CCDC141: variants seen among roughly 807,000 people sequenced by gnomAD.
CCDC141 encodes the protein coiled-coil domain-containing protein 141.
A neutral mutation model predicts 181.0 loss-of-function variants in CCDC141; 168 were observed. That is an observed-to-expected ratio of 0.93 (90% CI 0.82 to 1.05). The LOEUF (loss-of-function observed/expected upper bound fraction) is 1.05, where lower values mean the gene tolerates loss of function less well. CCDC141 is among the 50% of genes least tolerant of loss of function. The pLI is 0.00. For missense variants in CCDC141, 1,902 were observed against 1,788.5 expected (o/e 1.06, Z -1.14); for synonymous variants, 666 against 642.3 (o/e 1.04, Z -0.56).
chr2:178,999,577 A>G (rs1028808614), intron 2 of CCDC141, among the ~76,000 whole-genome samples: 1 of 152,152 alleles, frequency 6.6e-6, no homozygotes, highest in African/African-American at 2.4e-5. Flanking sequence ...ATAAAAAATA[A>G]AATTCCAAGC....
intron 4 of CCDC141, among the ~76,000 whole-genome samples, chr2:178,969,556 C>A: frequency 6.6e-6 from 1 of 151,872 alleles, no homozygotes; most frequent in African/African-American, 2.4e-5. Flanking sequence ...CAGAAAAGGC[C>A]TTCAACAAAA....
At chr2:178,961,572 G>T in intron 4 of CCDC141, 89 bp from the exon 5 acceptor site, 1 of 1,045,680 alleles carries the variant, frequency 9.6e-7, no homozygotes, top group Non-Finnish European at 1.3e-6. Context: ...TAAAATATAT[G>T]TAATTTTTAT....
At chr2:178,989,684 C>A (rs114507033) in intron 2 of CCDC141, among the ~76,000 whole-genome samples, 1 of 149,818 alleles carries the variant, frequency 6.7e-6, no homozygotes, top group African/African-American at 2.4e-5. Flanking sequence ...AAATGGGCAA[C>A]GGACTTGAAA....
intron 6 of CCDC141, among the ~76,000 whole-genome samples, chr2:178,919,154 G>A (rs1041610290): frequency 5.3e-5 from 8 of 152,230 alleles, no homozygotes; most frequent in South Asian, 4.1e-4. Context: ...CAACTCTACC[G>A]TGCTGGCACC....
At chr2:178,876,817 A>G (rs1364898581) in intron 12 of CCDC141, 3 of 152,222 alleles carry the variant, frequency 2.0e-5, no homozygotes, top group Non-Finnish European at 4.4e-5. Flanking sequence ...GAAGACTAAC[A>G]AAATAAAATT....
chr2:178,864,086 G>A (rs1575143884), intron 17 of CCDC141, among the ~76,000 whole-genome samples: 1 of 152,224 alleles, frequency 6.6e-6, no homozygotes, highest in Non-Finnish European at 1.5e-5. Flanking sequence ...CGGAGCCAGA[G>A]GGGGCTGGGA....
chr2:179,015,209 A>C (rs56171372), intron 2 of CCDC141, among the ~76,000 whole-genome samples: 13 of 126,214 alleles, frequency 1.0e-4, no homozygotes, highest in Admixed American at 3.3e-4. Flanking sequence ...TATCATATAT[A>C]TCATATATCT....
intron 2 of CCDC141, among the ~76,000 whole-genome samples, chr2:179,044,096 C>T (rs1018528933): frequency 3.3e-5 from 5 of 152,228 alleles, no homozygotes; most frequent in East Asian, 1.9e-4. Context: ...ATACAACTAA[C>T]AAGAAAAGTG....
intron 8 of CCDC141, among the ~76,000 whole-genome samples, chr2:178,896,599 A>G (rs1468646456): frequency 1.3e-5 from 2 of 152,188 alleles, no homozygotes; most frequent in Non-Finnish European, 2.9e-5. Context: ...TATATTTTTA[A>G]AAAAGGATCT....
chr2:178,933,231 AATT>A (rs1469659416), intron 6 of CCDC141, among the ~76,000 whole-genome samples: 1 of 152,214 alleles, frequency 6.6e-6, no homozygotes, highest in Non-Finnish European at 1.5e-5. Context: ...TAACTTTAAA[AATT>A]ATTATTAATC....
At chr2:178,890,546 G>C (rs534491405) in intron 8 of CCDC141, among the ~76,000 whole-genome samples, 1 of 152,200 alleles carries the variant, frequency 6.6e-6, no homozygotes, top group South Asian at 2.1e-4. Flanking sequence ...CCAGCTTCTT[G>C]CAGTTATCTA....
intron 5 of CCDC141, among the ~76,000 whole-genome samples, chr2:178,955,795 A>C (rs537632248): frequency 6.6e-6 from 1 of 152,366 alleles, no homozygotes; most frequent in African/African-American, 2.4e-5. Flanking sequence ...AAGCAGAAAA[A>C]AAAGATACTA....
chr2:178,884,826 G>C, intron 11 of CCDC141, 75 bp downstream of exon 11: 5 of 1,225,684 alleles, frequency 4.1e-6, no homozygotes, highest in Non-Finnish European at 4.6e-6. Flanking sequence ...CCAAGGCAGA[G>C]CATATATCCC....
At chr2:178,879,379 CT>C (rs1686492333) in intron 11 of CCDC141, among the ~76,000 whole-genome samples, 1 of 152,198 alleles carries the variant, frequency 6.6e-6, no homozygotes, top group Admixed American at 6.5e-5. Context: ...TTTAACTGAA[CT>C]TCATAGGAGA....
intron 12 of CCDC141, chr2:178,874,376 T>C (rs1686263199): frequency 6.6e-6 from 1 of 152,132 alleles, no homozygotes; most frequent in Non-Finnish European, 1.5e-5. Context: ...CAAAGCACAG[T>C]AGTAAAATAT....
At chr2:178,837,861 T>C in intron 22 of CCDC141, 117 bp from the exon 23 acceptor site, 1 of 1,192,580 alleles carries the variant, frequency 8.4e-7, no homozygotes, top group Non-Finnish European at 1.2e-6. Context: ...GGTTAAAATT[T>C]AGGGGGCTGG....
intron 8 of CCDC141, among the ~76,000 whole-genome samples, chr2:178,888,972 A>G (rs1687019047): frequency 6.6e-6 from 1 of 152,210 alleles, no homozygotes; most frequent in South Asian, 2.1e-4. Flanking sequence ...GCAAAGCCAC[A>G]GTATGTTTAC....
intron 7 of CCDC141, 70 bp downstream of exon 7, chr2:178,918,643 C>T: frequency 3.9e-6 from 5 of 1,268,136 alleles, no homozygotes; most frequent in South Asian, 1.5e-5. Context: ...GTGCTCCAGT[C>T]AGTTGAAGTA....
chr2:178,825,506 C>T (rs6433735), downstream of CCDC141: 90,271 of 151,804 alleles, frequency 0.59, 27,380 homozygotes, highest in East Asian at 0.88. Context: ...CTGTTGATAA[C>T]GACAATGGTA....
Sources: allele counts gnomAD v4.1 joint callset (sites outside exome capture counted in the v4.1 genomes callset), GRCh38; gene constraint gnomAD v4.1.1; transcripts MANE v1.5; gene names NCBI Gene and HGNC (gene_info 2026-07-23, HGNC 2026-07-21).